The following PTTG1IP2 variants were observed in gnomAD, a reference collection of about 807,000 sequenced individuals.
PTTG1IP2 encodes PTTG1IP family member 2.
intron 6 of PTTG1IP2, among the ~76,000 whole-genome samples, chr7:90,497,666 G>A (rs1047876136): frequency 1.5e-5 from 2 of 130,060 alleles, no homozygotes; most frequent in Non-Finnish European, 3.1e-5. Flanking sequence ...GCAGTGAGCC[G>A]TGATCATACC....
intron 6 of PTTG1IP2, among the ~76,000 whole-genome samples, chr7:90,510,517 A>G (rs1209579968): frequency 1.3e-5 from 2 of 152,092 alleles, no homozygotes; most frequent in Non-Finnish European, 2.9e-5. Context: ...GTGTGTGTGC[A>G]CGCACATGCA....
At chr7:90,482,760 A>T (rs528317436) in intron 2 of PTTG1IP2, among the ~76,000 whole-genome samples, 2 of 104,262 alleles carry the variant, frequency 1.9e-5, no homozygotes, top group East Asian at 6.6e-4. Context: ...TGAGCATCAT[A>T]AGACTGTTGC....
At chr7:90,484,831 T>C (rs17864037) in intron 2 of PTTG1IP2, among the ~76,000 whole-genome samples, 11,811 of 152,296 alleles carry the variant, frequency 0.078, 639 homozygotes, top group African/African-American at 0.14. Context: ...CCTCTTTTCT[T>C]TCATCTCTCA....
intron 6 of PTTG1IP2, among the ~76,000 whole-genome samples, chr7:90,501,151 G>A (rs1798056886): frequency 6.6e-6 from 1 of 152,110 alleles, no homozygotes; most frequent in Admixed American, 6.6e-5. Flanking sequence ...AATTAACTGT[G>A]ATAGTAACTG....
chr7:90,478,964 G>A (rs2188517), intron 1 of PTTG1IP2, among the ~76,000 whole-genome samples: 60,262 of 151,770 alleles, frequency 0.4, 12,981 homozygotes, highest in Non-Finnish European at 0.5. Flanking sequence ...CTATGTTTTG[G>A]GGGTTGTTTT....
intron 2 of PTTG1IP2, among the ~76,000 whole-genome samples, chr7:90,486,467 C>CTTTTTTTTTTTTTTTTTTTTTTT (rs532687452): frequency 1.7e-5 from 2 of 119,220 alleles, no homozygotes; most frequent in Admixed American, 8.9e-5. Context: ...CTTTGTCTTC[C>CTTTTTTTTTTTTTTTTTTTTTTT]TTTTTTTTTT....
chr7:90,509,114 T>TG (rs1554408398), intron 6 of PTTG1IP2, among the ~76,000 whole-genome samples: 1 of 45,440 alleles, frequency 2.2e-5, no homozygotes, highest in African/African-American at 7.7e-5. Flanking sequence ...ATGTGAAGGC[T>TG]TTTTTTTTTT....
At chr7:90,486,352 C>T (rs767786451) in intron 2 of PTTG1IP2, among the ~76,000 whole-genome samples, 2 of 147,422 alleles carry the variant, frequency 1.4e-5, no homozygotes, top group African/African-American at 4.9e-5. Context: ...CCTAGATCAC[C>T]GGGTTGTCAT....
intron 1 of PTTG1IP2, among the ~76,000 whole-genome samples, chr7:90,475,442 G>T (rs1168569342): frequency 6.6e-6 from 1 of 152,192 alleles, no homozygotes; most frequent in Non-Finnish European, 1.5e-5. Flanking sequence ...TTCTGGAAAA[G>T]ATGATGAATC....
intron 1 of PTTG1IP2, among the ~76,000 whole-genome samples, chr7:90,478,850 T>G (rs889564991): frequency 6.6e-6 from 1 of 152,042 alleles, no homozygotes; most frequent in African/African-American, 2.4e-5. Context: ...TTTTTACTAT[T>G]TAAAGGGTTA....
intron 1 of PTTG1IP2, among the ~76,000 whole-genome samples, chr7:90,473,054 A>G (rs866388934): frequency 2.0e-5 from 3 of 152,210 alleles, no homozygotes; most frequent in Middle Eastern, 3.2e-3. Flanking sequence ...CTCTGAATCC[A>G]CTGGTCTCAT....
At chr7:90,511,045 A>G (rs1035556285) in intron 6 of PTTG1IP2, among the ~76,000 whole-genome samples, 1 of 151,792 alleles carries the variant, frequency 6.6e-6, no homozygotes, top group African/African-American at 2.4e-5. Context: ...CATCTCTGTG[A>G]CAATACAAGC....
rs1797908705 is a variant in PTTG1IP2 at position 90,488,983 on chromosome 7, T to C, written c.380+19T>C. 1 of 152,076 alleles carries C rather than the reference T, an allele frequency of 6.6e-6. No individual in the cohort carries two copies. The highest frequency in any genetic ancestry group is 1.9e-4 in the East Asian group (1 of 5,194). The allele number at this position is 152,076 out of a possible 1,614,324, so 9.4% of individuals were successfully genotyped here. A position where few individuals can be genotyped will look rare whatever the true frequency, so the allele number is the denominator to read the frequency against. ...TGCAGGAGTATGCTCATTTTATCCTTATTAAGAATGCACTTTGGGGTAATA... is the reference window on the plus strand; with the variant it reads ...TGCAGGAGTATGCTCATTTTATCCTCATTAAGAATGCACTTTGGGGTAATA... On this transcript the variant is annotated intron_variant, in intron 4 of 6. Transcript: ENST00000509356.
intron 6 of PTTG1IP2, among the ~76,000 whole-genome samples, chr7:90,500,883 C>T (rs922805961): frequency 6.6e-6 from 1 of 152,194 alleles, no homozygotes; most frequent in Non-Finnish European, 1.5e-5. Context: ...TCCACCACAA[C>T]ATCTGTCATT....
intron 6 of PTTG1IP2, among the ~76,000 whole-genome samples, chr7:90,497,470 G>A (rs1312216108): frequency 2.6e-5 from 4 of 151,194 alleles, no homozygotes; most frequent in Non-Finnish European, 5.9e-5. Context: ...AGGCTGAGGA[G>A]GGAGAATGGC....
intron 5 of PTTG1IP2, among the ~76,000 whole-genome samples, chr7:90,493,289 A>G (rs776537226): frequency 5.3e-5 from 8 of 152,236 alleles, no homozygotes; most frequent in Non-Finnish European, 8.8e-5. Flanking sequence ...TAAGGATGAA[A>G]TGGTAAGCAC....
chr7:90,484,958 A>G (rs1032720541), intron 2 of PTTG1IP2, among the ~76,000 whole-genome samples: 1 of 152,184 alleles, frequency 6.6e-6, no homozygotes, highest in East Asian at 1.9e-4. Context: ...TGTAACTTAA[A>G]TAGTTGTAAC....
intron 6 of PTTG1IP2, 100 bp from the exon 7 acceptor site, chr7:90,513,178 G>T (rs1798208663): frequency 2.0e-5 from 3 of 152,702 alleles, no homozygotes; most frequent in Non-Finnish European, 4.4e-5. Context: ...GTAAAAATTG[G>T]TGTAACGGCC....
intron 6 of PTTG1IP2, among the ~76,000 whole-genome samples, chr7:90,507,976 G>T (rs1031122659): frequency 6.6e-6 from 1 of 152,044 alleles, no homozygotes; most frequent in African/African-American, 2.4e-5. Context: ...TAAAATATCA[G>T]ACTGGGCACA....
Sources: gnomAD v4.1 joint callset for allele counts (sites outside exome capture counted in the v4.1 genomes callset) on GRCh38, gnomAD v4.1.1 for gene constraint, MANE v1.5 for transcripts, NCBI Gene and HGNC (gene_info 2026-07-23, HGNC 2026-07-21) for gene names.